Variants in ZNF366 observed in about 807,000 individuals in gnomAD.
ZNF366 encodes the protein zinc finger protein 366.
In ZNF366, 20 loss-of-function variants were observed where a neutral mutation model predicts 47.2. That is an observed-to-expected ratio of 0.42 (90% CI 0.30 to 0.62). The LOEUF is 0.62. ZNF366 is among the 20% of genes least tolerant of loss of function. The pLI, the probability that ZNF366 is intolerant of heterozygous loss-of-function variation, is 0.16. For missense variants in ZNF366, 987 were observed against 976.3 expected (o/e 1.01, Z -0.15); for synonymous variants, 421 against 395.1 (o/e 1.07, Z -0.78).
rs1744140092 is a variant in ZNF366 at position 72,497,603 on chromosome 5, A to G, written c.-15+9648T>C. Among the ~76,000 whole-genome samples the G allele has an allele frequency of 2.0e-5, 3 of 152,184 alleles. No individual in the cohort carries two copies. The South Asian group carries it at 6.2e-4, about 31-fold the overall frequency. On this transcript the variant is annotated intron_variant, in intron 1 of 4. Transcript: ENST00000318442. ...GTCCAAATAATGCTGTGGCAGATAC[A>G]TTGCATTGTAGGTATGTCTTTTTAC...
At chr5:72,455,432 A>G (rs1244750813) in intron 3 of ZNF366, among the ~76,000 whole-genome samples, 1 of 152,140 alleles carries the variant, frequency 6.6e-6, no homozygotes, top group Non-Finnish European at 1.5e-5. Context: ...AAAAACCTCC[A>G]TTTCAAACAG....
At chr5:72,485,745 C>T (rs941219428) in intron 1 of ZNF366, among the ~76,000 whole-genome samples, 8 of 152,314 alleles carry the variant, frequency 5.3e-5, no homozygotes, top group Admixed American at 3.9e-4. Flanking sequence ...CAGTCCGCGC[C>T]GTGGCCTACA....
intron 2 of ZNF366, among the ~76,000 whole-genome samples, chr5:72,459,908 G>A (rs150644210): frequency 3.3e-4 from 50 of 152,334 alleles, no homozygotes; most frequent in Non-Finnish European, 7.4e-5. Flanking sequence ...CTCTGCAAAT[G>A]TCTGCATTAT....
intron 2 of ZNF366, among the ~76,000 whole-genome samples, chr5:72,458,209 G>C (rs904084105): frequency 6.6e-6 from 1 of 151,560 alleles, no homozygotes; most frequent in South Asian, 2.1e-4. Flanking sequence ...GTAGAGACGG[G>C]GTTTCACCGT....
chr5:72,491,802 C>A (rs188545364), intron 1 of ZNF366, among the ~76,000 whole-genome samples: 1 of 152,180 alleles, frequency 6.6e-6, no homozygotes, highest in Non-Finnish European at 1.5e-5. Context: ...GAAAATCAAT[C>A]ATTTTATTTC....
chr5:72,446,303 C>A (rs918631297), intron 4 of ZNF366, among the ~76,000 whole-genome samples: 2 of 152,330 alleles, frequency 1.3e-5, no homozygotes, highest in East Asian at 3.9e-4. Flanking sequence ...GGTGTCTCAC[C>A]CTGTGCTTTG....
At chr5:72,488,902 C>G (rs1276037466) in intron 1 of ZNF366, among the ~76,000 whole-genome samples, 1 of 152,228 alleles carries the variant, frequency 6.6e-6, no homozygotes, top group Admixed American at 6.5e-5. Context: ...AGCTATAAAA[C>G]AGAGACAATA....
chr5:72,502,296 A>G (rs1185642672), intron 1 of ZNF366, among the ~76,000 whole-genome samples: 4 of 152,210 alleles, frequency 2.6e-5, no homozygotes, highest in Non-Finnish European at 4.4e-5. Flanking sequence ...TTTTATGTAA[A>G]TACCATTGTT....
At chr5:72,490,017 C>A (rs2112350699) in intron 1 of ZNF366, among the ~76,000 whole-genome samples, 1 of 152,284 alleles carries the variant, frequency 6.6e-6, no homozygotes, top group South Asian at 2.1e-4. Context: ...CTGCTTAGTA[C>A]CAGCTTTTCT....
intron 3 of ZNF366, among the ~76,000 whole-genome samples, chr5:72,454,361 C>G (rs1391905607): frequency 6.6e-6 from 1 of 152,136 alleles, no homozygotes; most frequent in Non-Finnish European, 1.5e-5. Context: ...TAGAGAGAAC[C>G]CTCTAGATCC....
At chr5:72,481,230 A>G (rs1007669376) in intron 1 of ZNF366, among the ~76,000 whole-genome samples, 1 of 152,204 alleles carries the variant, frequency 6.6e-6, no homozygotes, top group African/African-American at 2.4e-5. Context: ...TACCCGAATT[A>G]GATTAAGGTG....
chr5:72,494,867 T>G (rs1744080735), intron 1 of ZNF366, among the ~76,000 whole-genome samples: 1 of 152,162 alleles, frequency 6.6e-6, no homozygotes. Flanking sequence ...CATATTAATA[T>G]TTAATAATAT....
chr5:72,493,346 A>G (rs1744050851), intron 1 of ZNF366, among the ~76,000 whole-genome samples: 1 of 152,238 alleles, frequency 6.6e-6, no homozygotes, highest in Non-Finnish European at 1.5e-5. Flanking sequence ...TTATCTTGTC[A>G]ATGAGGAAAC....
chr5:72,505,014 C>G (rs1468229235), intron 1 of ZNF366, among the ~76,000 whole-genome samples: 1 of 152,112 alleles, frequency 6.6e-6, no homozygotes, highest in Non-Finnish European at 1.5e-5. Flanking sequence ...GACTCACATC[C>G]CAGCACACAG....
intron 1 of ZNF366, among the ~76,000 whole-genome samples, chr5:72,467,346 A>G (rs1743451869): frequency 1.3e-5 from 2 of 152,196 alleles, no homozygotes; most frequent in African/African-American, 4.8e-5. Context: ...AGAAATAGGG[A>G]AATCGGGAAT....
chr5:72,444,405 T>C (rs977295750), intron 4 of ZNF366, 114 bp from the exon 5 acceptor site: 11 of 1,187,900 alleles, frequency 9.3e-6, no homozygotes, highest in Admixed American at 2.7e-5. Context: ...ATTTTAAAAA[T>C]AGATCATTCC....
chr5:72,486,854 T>C (rs1420366314), intron 1 of ZNF366, among the ~76,000 whole-genome samples: 2 of 152,122 alleles, frequency 1.3e-5, no homozygotes, highest in Admixed American at 1.3e-4. Flanking sequence ...CTGGGCTCAC[T>C]GCAACCTCTG....
At chr5:72,495,879 A>G (rs1201749029) in intron 1 of ZNF366, among the ~76,000 whole-genome samples, 1 of 152,174 alleles carries the variant, frequency 6.6e-6, no homozygotes. Context: ...GTTTCCTTAC[A>G]TCCCTGTCTT....
intron 1 of ZNF366, among the ~76,000 whole-genome samples, chr5:72,496,470 G>A (rs944914400): frequency 6.6e-6 from 1 of 152,148 alleles, no homozygotes; most frequent in Non-Finnish European, 1.5e-5. Flanking sequence ...TATGTCAATA[G>A]TTCCTTTTTA....
Sources: allele counts gnomAD v4.1 joint callset (sites outside exome capture counted in the v4.1 genomes callset), GRCh38; gene constraint gnomAD v4.1.1; transcripts MANE v1.5; gene names NCBI Gene and HGNC (gene_info 2026-07-23, HGNC 2026-07-21).